The following TBC1D12 variants were observed in gnomAD, a reference collection of about 807,000 sequenced individuals.
TBC1D12 encodes TBC1 domain family, member 12.
A neutral mutation model predicts 86.7 loss-of-function variants in TBC1D12; 56 were observed. That is an observed-to-expected ratio of 0.65 (90% CI 0.52 to 0.81). TBC1D12 has a LOEUF of 0.81. Ranked by LOEUF, TBC1D12 falls within the 30% of genes least tolerant of loss-of-function variation. The pLI is 0.00. For missense variants in TBC1D12, 1,023 were observed against 1,038.8 expected, an observed-to-expected ratio of 0.98 and a Z score of 0.21; for synonymous variants, 421 against 411.7, an observed-to-expected ratio of 1.02 and a Z score of -0.27.
intron 1 of TBC1D12, among the ~76,000 whole-genome samples, chr10:94,434,902 C>A (rs913171654): frequency 6.6e-6 from 1 of 152,182 alleles, no homozygotes; most frequent in African/African-American, 2.4e-5. Flanking sequence ...CTAAATACCT[C>A]CCATTAGGCC....
intron 9 of TBC1D12, among the ~76,000 whole-genome samples, chr10:94,516,541 A>G (rs896565361): frequency 3.4e-5 from 5 of 149,114 alleles, no homozygotes; most frequent in Admixed American, 6.7e-5. Context: ...TACATTAGGT[A>G]TATCTCCTAA....
chr10:94,435,822 T>C (rs1002725476), intron 1 of TBC1D12, among the ~76,000 whole-genome samples: 20 of 152,346 alleles, frequency 1.3e-4, no homozygotes, highest in African/African-American at 4.6e-4. Flanking sequence ...CTTTCGTGTA[T>C]AACTGTTTGA....
chr10:94,437,938 T>G (rs887297936), intron 1 of TBC1D12, among the ~76,000 whole-genome samples: 2 of 151,218 alleles, frequency 1.3e-5, no homozygotes, highest in African/African-American at 4.8e-5. Context: ...TATCCTCCTT[T>G]ATTACCTTTC....
rs530810691 is a variant in TBC1D12, at chr10:94,453,383, G to A, written c.1095+11364G>A. On this transcript the variant is annotated intron_variant, in intron 2 of 12. Coordinates refer to ENST00000225235, the MANE Select transcript of TBC1D12 (RefSeq NM_015188.2). Reference sequence around the variant, plus strand: ...AATAAAAAATAAAAATATTTTGTGTGCATGTATGTCTGTGTGTGTGCATAT... The same window carrying A: ...AATAAAAAATAAAAATATTTTGTGTACATGTATGTCTGTGTGTGTGCATAT... Among the ~76,000 whole-genome samples, 3 of 152,220 alleles carry A rather than the reference G, an allele frequency of 2.0e-5. No individual in the cohort carries two copies. In the East Asian group the frequency reaches 5.8e-4, roughly 29 times the overall value.
chr10:94,501,651 A>T (rs192661819), intron 6 of TBC1D12, among the ~76,000 whole-genome samples: 1,530 of 151,116 alleles, frequency 0.01, 25 homozygotes, highest in East Asian at 0.056. Flanking sequence ...GGTTCAAGCG[A>T]TCCTCCTGCC....
intron 1 of TBC1D12, among the ~76,000 whole-genome samples, chr10:94,437,332 C>CTT (rs767605698): frequency 0.011 from 1,531 of 145,634 alleles, 26 homozygotes; most frequent in East Asian, 0.059. Flanking sequence ...TGGTTATTTT[C>CTT]TTTTTTTTTT....
At chr10:94,406,716 C>G (rs1000356583) in intron 1 of TBC1D12, among the ~76,000 whole-genome samples, 2 of 152,220 alleles carry the variant, frequency 1.3e-5, no homozygotes, top group African/African-American at 2.4e-5. Flanking sequence ...TGCATAGTTG[C>G]TATTCTCAAC....
chr10:94,504,659 A>AG (rs1037764920), intron 6 of TBC1D12, among the ~76,000 whole-genome samples: 26 of 152,322 alleles, frequency 1.7e-4, no homozygotes, highest in African/African-American at 6.3e-4. Context: ...ATAATATATT[A>AG]GGTTTGTGAC....
chr10:94,405,216 A>G (rs1411879605), intron 1 of TBC1D12, among the ~76,000 whole-genome samples: 2 of 151,380 alleles, frequency 1.3e-5, no homozygotes, highest in East Asian at 1.9e-4. Context: ...CTTTTCGGGG[A>G]TCTTGACTAT....
intron 3 of TBC1D12, among the ~76,000 whole-genome samples, chr10:94,484,440 A>G (rs928014393): frequency 1.3e-5 from 2 of 151,736 alleles, no homozygotes; most frequent in African/African-American, 4.8e-5. Context: ...GGGTTTCTCC[A>G]TGTTGGTCAG....
At chr10:94,451,910 T>C (rs2055555189) in intron 2 of TBC1D12, among the ~76,000 whole-genome samples, 1 of 152,036 alleles carries the variant, frequency 6.6e-6, no homozygotes. Context: ...GTGCCAACTC[T>C]TTTGATCATT....
Position 94,414,347 on chromosome 10 carries a change from C to T in TBC1D12, c.971+10763C>T, listed in dbSNP as rs17110009. 0.015 allele frequency among the ~76,000 whole-genome samples: 2,286 copies of T among 152,212 alleles called. 230 individuals carry two copies. The East Asian group carries it at 0.29, about 19-fold the overall frequency. ...ATTAGAGAATGAGTTTGAAGATATTCGTAGAGAGAGAAATTGCTGGAGAGA... is the reference window on the plus strand; with the variant it reads ...ATTAGAGAATGAGTTTGAAGATATTTGTAGAGAGAGAAATTGCTGGAGAGA... On this transcript the variant is annotated intron_variant, in intron 1 of 12. Coordinates refer to ENST00000225235, the MANE Select transcript of TBC1D12 (RefSeq NM_015188.2).
chr10:94,482,372 G>C (rs986374445), intron 3 of TBC1D12, among the ~76,000 whole-genome samples: 1 of 151,964 alleles, frequency 6.6e-6, no homozygotes, highest in South Asian at 2.1e-4. Context: ...ATGGCTACAG[G>C]GTTATTTTTA....
chr10:94,529,181 G>A (rs1842366348), intron 11 of TBC1D12, among the ~76,000 whole-genome samples: 1 of 151,984 alleles, frequency 6.6e-6, no homozygotes, highest in African/African-American at 2.4e-5. Flanking sequence ...ACTAATTTTT[G>A]CTATTTTATA....
At chr10:94,525,655 G>A (rs1261563230) in intron 11 of TBC1D12, among the ~76,000 whole-genome samples, 1 of 106,862 alleles carries the variant, frequency 9.4e-6, no homozygotes. Flanking sequence ...GCAAGACTCC[G>A]TCTCAAAAAA....
chr10:94,426,872 G>T (rs2055153970), intron 1 of TBC1D12, among the ~76,000 whole-genome samples: 1 of 152,010 alleles, frequency 6.6e-6, no homozygotes, highest in South Asian at 2.1e-4. Flanking sequence ...CACCACAGGT[G>T]GCCTGATTTT....
chr10:94,443,855 A>G (rs1057454741), intron 2 of TBC1D12, among the ~76,000 whole-genome samples: 1 of 152,188 alleles, frequency 6.6e-6, no homozygotes, highest in South Asian at 2.1e-4. Flanking sequence ...CACATGCCCA[A>G]ATTGGTAATT....
intron 2 of TBC1D12, among the ~76,000 whole-genome samples, chr10:94,445,902 C>T (rs186020145): frequency 1.3e-5 from 2 of 151,310 alleles, no homozygotes; most frequent in African/African-American, 2.4e-5. Flanking sequence ...GAGCCAAGGT[C>T]GTGCCCTTGC....
At chr10:94,471,676 T>C (rs2055909474) in intron 2 of TBC1D12, among the ~76,000 whole-genome samples, 1 of 152,182 alleles carries the variant, frequency 6.6e-6, no homozygotes, top group Non-Finnish European at 1.5e-5. Context: ...TTGTCCATCA[T>C]CCACCATGGC....
Sources: allele counts gnomAD v4.1 joint callset (sites outside exome capture counted in the v4.1 genomes callset), GRCh38; gene constraint gnomAD v4.1.1; transcripts MANE v1.5; gene names NCBI Gene and HGNC (gene_info 2026-07-23, HGNC 2026-07-21).